The following KIF1B variants were observed in gnomAD, a reference collection of about 807,000 sequenced individuals.
KIF1B encodes the protein kinesin-like protein KIF1B.
Under a neutral mutation model 241.9 loss-of-function variants are expected in KIF1B, and 76 were observed. That is an observed-to-expected ratio of 0.31 (90% CI 0.26 to 0.38). The LOEUF is 0.38. Among genes scored for constraint, KIF1B ranks in the 10% least tolerant of loss-of-function variants. The pLI, the probability that KIF1B is intolerant of heterozygous loss-of-function variation, is 1.00. For synonymous variants in KIF1B, 750 were observed against 796.7 expected, an observed-to-expected ratio of 0.94 and a Z score of 0.99; for missense variants, 1,622 against 2,271.4, an observed-to-expected ratio of 0.71 and a Z score of 5.81.
chr1:10,225,533 T>C (rs1480306872), intron 1 of KIF1B, among the ~76,000 whole-genome samples: 1 of 151,930 alleles, frequency 6.6e-6, no homozygotes, highest in African/African-American at 2.4e-5. Flanking sequence ...ATTTGAAAAG[T>C]GTTAAATAGA....
At chr1:10,308,157 C>CT in intron 22 of KIF1B, 5 of 1,061,780 alleles carry the variant, frequency 4.7e-6, no homozygotes, top group Non-Finnish European at 5.7e-6. Context: ...GTAGATTTGC[C>CT]TTAATGATTT....
chr1:10,255,013 A>G (rs1372647285), intron 2 of KIF1B, among the ~76,000 whole-genome samples: 1 of 151,872 alleles, frequency 6.6e-6, no homozygotes, highest in Admixed American at 6.6e-5. Context: ...CAGTGCATTA[A>G]TATCAGCTCA....
chr1:10,227,089 G>T (rs182170056), intron 1 of KIF1B, among the ~76,000 whole-genome samples: 10 of 137,124 alleles, frequency 7.3e-5, no homozygotes, highest in African/African-American at 2.8e-4. Context: ...AGGCTGGAGT[G>T]CAGTGGTGCG....
chr1:10,336,793 T>A (rs756164141), intron 29 of KIF1B, 51 bp downstream of exon 29: 1 of 1,510,696 alleles, frequency 6.6e-7, no homozygotes, highest in South Asian at 1.1e-5. Context: ...GAAAGAATGT[T>A]CAGCATTGGA....
chr1:10,303,511 AAGAAAGACC>A lies in KIF1B; in HGVS notation c.2115+6266_2115+6274del. 1 of 1,614,204 alleles carries A rather than the reference AAGAAAGACC, an allele frequency of 6.2e-7. No homozygotes were observed. Among genetic ancestry groups the A allele is most frequent in the Non-Finnish European group, 8.5e-7 (1 of 1,180,036 alleles). ...GAAGGAGCTTTGTGCCATGTATGGC[AAGAAAGACC>A]CCAATGAGCGGGACTCCTGGAGGGC... On this transcript the variant is annotated intron_variant, in intron 22 of 48. Coordinates refer to ENST00000676179, the MANE Select transcript of KIF1B (RefSeq NM_001365951.3). The surrounding 1 kb of genome is among the most constrained non-coding windows in gnomAD (Gnocchi z 5.2).
intron 4 of KIF1B, among the ~76,000 whole-genome samples, chr1:10,261,262 C>T (rs1648126802): frequency 6.6e-6 from 1 of 150,506 alleles, no homozygotes; most frequent in Admixed American, 6.6e-5. Context: ...GCCACTGCAC[C>T]TGGCCAAATT....
chr1:10,361,492 C>G (rs1638421098), intron 39 of KIF1B, among the ~76,000 whole-genome samples, 200 bp from the exon 40 acceptor site: 1 of 152,190 alleles, frequency 6.6e-6, no homozygotes, highest in Non-Finnish European at 1.5e-5. Context: ...ACATTTACCT[C>G]AGATAAAAAT....
At chr1:10,259,505 A>ATT (rs869146825) in intron 4 of KIF1B, among the ~76,000 whole-genome samples, 13 of 121,548 alleles carry the variant, frequency 1.1e-4, no homozygotes, top group South Asian at 2.6e-4. Flanking sequence ...AAAAAAAAAA[A>ATT]TTTTTTTTTT....
chr1:10,278,855 G>T, intron 13 of KIF1B: 8 of 440,130 alleles, frequency 1.8e-5, no homozygotes, highest in Non-Finnish European at 1.6e-5. Flanking sequence ...TTTTTTTTTA[G>T]TGTAAAGTTA....
Position 10,295,449 on chromosome 1 carries a change from A to G in KIF1B, c.1671-211A>G, listed in dbSNP as rs560143304. On this transcript the variant is annotated intron_variant, in intron 18 of 48. Coordinates refer to ENST00000676179, the MANE Select transcript of KIF1B (RefSeq NM_001365951.3). ...ATGTCTTTATAATACTGTATGAGTTACATTGGTATATCAGTGCTCCTTGTT... is the reference window on the plus strand; with the variant it reads ...ATGTCTTTATAATACTGTATGAGTTGCATTGGTATATCAGTGCTCCTTGTT... Among the ~76,000 whole-genome samples, 4 of 152,294 alleles carry G rather than the reference A, an allele frequency of 2.6e-5. No homozygotes were observed. In the South Asian group the frequency reaches 6.2e-4, roughly 24 times the overall value.
Position 10,294,406 on chromosome 1 carries a change from T to G in KIF1B, c.1591-680T>G, listed in dbSNP as rs539789039. 2.2e-4 allele frequency among the ~76,000 whole-genome samples: 33 copies of G among 151,780 alleles called. 2 individuals carry two copies. The South Asian group carries it at 6.9e-3, about 32-fold the overall frequency. ...TGATAAAAATTATAGTGGGAAGTGG[T>G]GGGGGGGTATGGGGACATTTTAATA... On this transcript the variant is annotated intron_variant, in intron 17 of 48. Coordinates refer to ENST00000676179, the MANE Select transcript of KIF1B (RefSeq NM_001365951.3).
intron 22 of KIF1B, among the ~76,000 whole-genome samples, chr1:10,313,042 C>T (rs773829521): frequency 1.3e-5 from 2 of 151,236 alleles, no homozygotes; most frequent in Non-Finnish European, 2.9e-5. Flanking sequence ...TATATAGTAC[C>T]ATCTTTATTT....
chr1:10,251,760 T>C (rs1238240313), intron 2 of KIF1B, among the ~76,000 whole-genome samples: 5 of 152,052 alleles, frequency 3.3e-5, no homozygotes, highest in Non-Finnish European at 5.9e-5. Context: ...TTATCATTTA[T>C]TTTTTGGCCC....
At chr1:10,352,842 A>T (rs1291480424) in intron 38 of KIF1B, 106 bp downstream of exon 38, 2 of 783,106 alleles carry the variant, frequency 2.6e-6, no homozygotes, top group Non-Finnish European at 4.5e-6. Context: ...CAAAGAAATT[A>T]ACTCCCTTCT....
At chr1:10,275,608 A>G (rs908181287) in intron 11 of KIF1B, 105 bp downstream of exon 11, 1 of 781,770 alleles carries the variant, frequency 1.3e-6, no homozygotes, top group African/African-American at 1.7e-5. Context: ...CTAGATATTC[A>G]TGTTACTACT....
intron 2 of KIF1B, among the ~76,000 whole-genome samples, chr1:10,235,370 AG>A (rs1647037155): frequency 6.6e-6 from 1 of 152,016 alleles, no homozygotes; most frequent in Non-Finnish European, 1.5e-5. Flanking sequence ...CTCCCACCTC[AG>A]CCTCCCTAGT....
At chr1:10,294,238 A>T (rs1650149217) in intron 17 of KIF1B, among the ~76,000 whole-genome samples, 1 of 152,198 alleles carries the variant, frequency 6.6e-6, no homozygotes, top group Admixed American at 6.5e-5. Flanking sequence ...AGATTTTAGA[A>T]ATATTAGAGT....
intron 22 of KIF1B, chr1:10,308,400 C>T (rs1238731112): frequency 1.9e-6 from 2 of 1,047,442 alleles, no homozygotes; most frequent in East Asian, 1.1e-4. Context: ...GGTGTTGTCC[C>T]ATTATTACTG....
chr1:10,294,699 C>T (rs1650174971), intron 17 of KIF1B, among the ~76,000 whole-genome samples: 1 of 152,212 alleles, frequency 6.6e-6, no homozygotes, highest in African/African-American at 2.4e-5. Flanking sequence ...GAAACCCTGC[C>T]TCCACTAAAA....
Sources: allele counts gnomAD v4.1 joint callset (sites outside exome capture counted in the v4.1 genomes callset), GRCh38; gene constraint gnomAD v4.1.1; non-coding constraint Gnocchi (gnomAD v3.1); transcripts MANE v1.5; gene names NCBI Gene and HGNC (gene_info 2026-07-23, HGNC 2026-07-21).